Variants in OR51B5 observed in about 807,000 individuals in gnomAD.
OR51B5 encodes olfactory receptor family 51 subfamily B member 5, also known as olfactory receptor 51B5.
For missense variants in OR51B5, 456 were observed against 374.6 expected, an observed-to-expected ratio of 1.22 and a Z score of -1.79; for synonymous variants, 186 against 144.8, an observed-to-expected ratio of 1.28 and a Z score of -2.04.
chr11:5,480,134 G>A (rs1480119475), intron 1 of OR51B5, among the ~76,000 whole-genome samples: 1 of 152,042 alleles, frequency 6.6e-6, no homozygotes, highest in Non-Finnish European at 1.5e-5. Context: ...AAATGTAAAA[G>A]AACAGAGATT....
chr11:5,447,170 C>G (rs1380683827), intron 1 of OR51B5, among the ~76,000 whole-genome samples: 1 of 152,184 alleles, frequency 6.6e-6, no homozygotes, highest in Non-Finnish European at 1.5e-5. Flanking sequence ...CTGTTCTGTA[C>G]CAAGGCTAAG....
rs370742351 is a variant in OR51B5, at chr11:5,489,108, G to A, written n.84+16461C>T. 4 of 1,613,780 alleles carry A rather than the reference G, an allele frequency of 2.5e-6. No individual in the cohort carries two copies. The African/African-American group carries it at 5.3e-5, about 22-fold the overall frequency. ...ATGTGGCTATCTGTAACCCATTAAG[G>A]TACACAACCATTCTCAACCATGCTG... On this transcript the variant is annotated intron_variant and non_coding_transcript_variant, in intron 1 of 4. Transcript: ENST00000415970.
rs779749567 is a variant in OR51B5, at chr11:5,351,743, T to A, written n.85-4833A>T. On this transcript the variant is annotated intron_variant and non_coding_transcript_variant, in intron 1 of 4. Transcript: ENST00000415970. ...GTGACATTGACCACAATGCCCACAGTGCTAGGTGTTCTGTGGTTAGATCAC... is the reference window on the plus strand; with the variant it reads ...GTGACATTGACCACAATGCCCACAGAGCTAGGTGTTCTGTGGTTAGATCAC... 1.9e-6 allele frequency: 3 copies of A among 1,613,818 alleles called. No individual in the cohort carries two copies. In the South Asian group the frequency reaches 3.3e-5, roughly 18 times the overall value.
chr11:5,448,952 C>G (rs909867576), intron 1 of OR51B5, among the ~76,000 whole-genome samples: 6 of 152,142 alleles, frequency 3.9e-5, no homozygotes, highest in Non-Finnish European at 7.4e-5. Flanking sequence ...AGAACCAGCC[C>G]CACTCAATAT....
At chr11:5,475,567 C>G (rs1851291083) in intron 1 of OR51B5, among the ~76,000 whole-genome samples, 2 of 152,130 alleles carry the variant, frequency 1.3e-5, no homozygotes, top group Non-Finnish European at 2.9e-5. Flanking sequence ...GAATGAGGAT[C>G]TACTAATACT....
intron 1 of OR51B5, chr11:5,431,651 A>C: frequency 6.5e-6 from 1 of 153,072 alleles, no homozygotes; most frequent in Admixed American, 6.5e-5. Flanking sequence ...AAAAAAACTG[A>C]AGTTAGTCCC....
chr11:5,356,259 A>C (rs1157166772), intron 1 of OR51B5, among the ~76,000 whole-genome samples: 1 of 152,018 alleles, frequency 6.6e-6, no homozygotes, highest in Non-Finnish European at 1.5e-5. Context: ...AACTAGAATA[A>C]CCAATACAGA....
intron 1 of OR51B5, among the ~76,000 whole-genome samples, chr11:5,485,595 C>A (rs958740501): frequency 2.6e-5 from 4 of 152,164 alleles, no homozygotes; most frequent in Non-Finnish European, 5.9e-5. Context: ...CTTGCCTATG[C>A]TCCTTGCACC....
chr11:5,487,047 A>ATC (rs1851508702), intron 1 of OR51B5, among the ~76,000 whole-genome samples: 1 of 152,210 alleles, frequency 6.6e-6, no homozygotes, highest in Non-Finnish European at 1.5e-5. Flanking sequence ...AAGAGATAGG[A>ATC]ATTCAAGTAT....
chr11:5,467,092 T>G (rs1197223923), intron 1 of OR51B5, among the ~76,000 whole-genome samples: 4 of 152,216 alleles, frequency 2.6e-5, no homozygotes, highest in Admixed American at 2.6e-4. Flanking sequence ...CCACAGCACT[T>G]CTTTATCCTC....
At chr11:5,357,444 C>G (rs531971051) in intron 1 of OR51B5, among the ~76,000 whole-genome samples, 59 of 151,590 alleles carry the variant, frequency 3.9e-4, no homozygotes, top group African/African-American at 1.4e-3. Flanking sequence ...AACATATATG[C>G]ACCCAATACA....
intron 1 of OR51B5, among the ~76,000 whole-genome samples, chr11:5,360,259 A>G (rs1157708012): frequency 6.6e-6 from 1 of 151,944 alleles, no homozygotes; most frequent in Non-Finnish European, 1.5e-5. Flanking sequence ...ACAAAGGGCT[A>G]ATATCCAGAA....
chr11:5,490,412 G>A (rs896881181), intron 1 of OR51B5, among the ~76,000 whole-genome samples: 1 of 152,126 alleles, frequency 6.6e-6, no homozygotes, highest in African/African-American at 2.4e-5. Context: ...CTAGAGATAT[G>A]ACTGGTACTT....
chr11:5,390,209 T>G (rs766186839), intron 1 of OR51B5: 33 of 1,613,896 alleles, frequency 2.0e-5, no homozygotes, highest in Non-Finnish European at 2.8e-5. Context: ...GATGGGGCTG[T>G]CCCTGGTGCA....
At chr11:5,390,514 G>T (rs7395908) in intron 1 of OR51B5, 557,792 of 706,166 alleles carry the variant, frequency 0.79, 222,523 homozygotes, top group Middle Eastern at 0.83. Context: ...GCAAATTTAT[G>T]TCTGGAGTTG....
At chr11:5,440,588 G>A in intron 1 of OR51B5, 1 of 1,612,850 alleles carries the variant, frequency 6.2e-7, no homozygotes, top group Non-Finnish European at 8.5e-7. Context: ...GGGATTTATG[G>A]AAGAACTTGA....
chr11:5,342,297 T>A (rs1439311583), downstream of OR51B5, among the ~76,000 whole-genome samples: 1 of 152,252 alleles, frequency 6.6e-6, no homozygotes, highest in Non-Finnish European at 1.5e-5. Context: ...AAACATATGT[T>A]AGTTACATTA....
In OR51B5 at chr11:5,357,241, C is replaced by T. The variant is rs189383176; in HGVS notation, n.85-10331G>A. The stretch of plus-strand genomic sequence containing the variant: ...GTATTCAGGAAACCCATCTCATGTG[C>T]ACACACACACATAGGCTCAAAATAA... On this transcript the variant is annotated intron_variant and non_coding_transcript_variant, in intron 1 of 4. Coordinates refer to the OR51B5 transcript ENST00000415970. Among the ~76,000 whole-genome samples the T allele has an allele frequency of 1.3e-3, 193 of 151,978 alleles. 1 individual carries two copies. The highest frequency in any genetic ancestry group is 4.5e-3 in the African/African-American group (188 of 41,438).
At chr11:5,448,304 A>T (rs1423657126) in intron 1 of OR51B5, among the ~76,000 whole-genome samples, 1 of 152,180 alleles carries the variant, frequency 6.6e-6, no homozygotes, top group Non-Finnish European at 1.5e-5. Flanking sequence ...ACTTAATATG[A>T]TCCACACCCA....
Sources: gnomAD v4.1 joint callset for allele counts (sites outside exome capture counted in the v4.1 genomes callset) on GRCh38, gnomAD v4.1.1 for gene constraint, MANE v1.5 for transcripts, NCBI Gene and HGNC (gene_info 2026-07-23, HGNC 2026-07-21) for gene names.